Variants in HFM1 observed in about 807,000 individuals in gnomAD.
HFM1 encodes the protein helicase for meiosis 1.
HFM1 carries 169 observed loss-of-function variants against 192.1 expected under a neutral mutation model. The ratio of observed to expected loss-of-function variants is 0.88; its 90% CI spans 0.78 to 1.00. The LOEUF (loss-of-function observed/expected upper bound fraction) is 1.00, where lower values mean the gene tolerates loss of function less well. HFM1 is among the 50% of genes least tolerant of loss of function. HFM1 has a pLI of 0.00. For missense variants in HFM1, 1,661 were observed against 1,668.0 expected, an observed-to-expected ratio of 1.00 and a Z score of 0.07; for synonymous variants, 525 against 537.8, an observed-to-expected ratio of 0.98 and a Z score of 0.33.
intron 30 of HFM1, among the ~76,000 whole-genome samples, chr1:91,299,962 C>CA (rs1172394980): frequency 1.3e-5 from 2 of 151,948 alleles, no homozygotes; most frequent in Non-Finnish European, 2.9e-5. Context: ...AATAGAGACA[C>CA]AAAAAACCCT....
At chr1:91,304,097 T>C (rs1268403651) in intron 30 of HFM1, among the ~76,000 whole-genome samples, 1 of 152,044 alleles carries the variant, frequency 6.6e-6, no homozygotes, top group Non-Finnish European at 1.5e-5. Context: ...TCAAGTGATC[T>C]ACCCGCCTCG....
chr1:91,316,551 C>T, intron 25 of HFM1, 75 bp from the exon 26 acceptor site: 2 of 624,362 alleles, frequency 3.2e-6, no homozygotes, highest in Non-Finnish European at 2.5e-6. Flanking sequence ...TATTTAACAA[C>T]TAAATTAGTA....
At chr1:91,367,202 G>C (rs1659460215) in intron 13 of HFM1, among the ~76,000 whole-genome samples, 1 of 152,190 alleles carries the variant, frequency 6.6e-6, no homozygotes. Flanking sequence ...CCAAACAAAA[G>C]GCAGCAGAAA....
At chr1:91,268,520 C>T (rs900740074) in intron 34 of HFM1, among the ~76,000 whole-genome samples, 2 of 151,928 alleles carry the variant, frequency 1.3e-5, no homozygotes, top group African/African-American at 4.8e-5. Context: ...AACAACAGTA[C>T]CTACCTCAAA....
chr1:91,384,240 T>C (rs945176869), intron 6 of HFM1, among the ~76,000 whole-genome samples: 4 of 152,276 alleles, frequency 2.6e-5, no homozygotes, highest in Non-Finnish European at 2.9e-5. Context: ...TATTTGGAAA[T>C]AGGCAGGTAA....
intron 36 of HFM1, among the ~76,000 whole-genome samples, chr1:91,264,164 T>A (rs926926970): frequency 2.4e-4 from 37 of 152,130 alleles, no homozygotes; most frequent in Middle Eastern, 6.8e-3. Flanking sequence ...ACTGGAACTG[T>A]CTTGGTAGAG....
intron 1 of HFM1, among the ~76,000 whole-genome samples, chr1:91,403,459 T>C (rs1664517277): frequency 6.6e-6 from 1 of 152,146 alleles, no homozygotes. Context: ...GGCACTTTCA[T>C]TATGTAAATC....
At chr1:91,278,809 A>G (rs1167735725) in intron 30 of HFM1, among the ~76,000 whole-genome samples, 1 of 152,172 alleles carries the variant, frequency 6.6e-6, no homozygotes, top group Non-Finnish European at 1.5e-5. Flanking sequence ...TAACCACAGT[A>G]TTCCCAATTG....
At chr1:91,404,099 CAAAG>C (rs1166702338) in intron 1 of HFM1, among the ~76,000 whole-genome samples, 1 of 152,094 alleles carries the variant, frequency 6.6e-6, no homozygotes, top group Non-Finnish European at 1.5e-5. Context: ...GAGAATCTGA[CAAAG>C]AAGGAAAAAT....
At chr1:91,346,545 G>A (rs1165108106) in intron 19 of HFM1, among the ~76,000 whole-genome samples, 1 of 152,116 alleles carries the variant, frequency 6.6e-6, no homozygotes, top group Non-Finnish European at 1.5e-5. Flanking sequence ...TGCCACACAT[G>A]TATATCCAAG....
At chr1:91,353,335 C>A (rs768696837) in intron 13 of HFM1, 36 bp from the exon 14 acceptor site, 12 of 1,233,198 alleles carry the variant, frequency 9.7e-6, no homozygotes, top group South Asian at 1.3e-5. Flanking sequence ...TGAGTTACTC[C>A]CAGTAACATT....
At chr1:91,329,438 G>A in intron 20 of HFM1, 1 of 1,571,410 alleles carries the variant, frequency 6.4e-7, no homozygotes, top group Non-Finnish European at 8.7e-7. Flanking sequence ...CTTCAGCTAA[G>A]TGCAAGGAGC....
chr1:91,289,644 G>C (rs1431663067), intron 30 of HFM1, among the ~76,000 whole-genome samples: 1 of 152,146 alleles, frequency 6.6e-6, no homozygotes, highest in Admixed American at 6.5e-5. Context: ...CAGAACACTC[G>C]CAGTCAGGAG....
chr1:91,331,218 T>C (rs924184294), intron 20 of HFM1, among the ~76,000 whole-genome samples: 4 of 152,134 alleles, frequency 2.6e-5, no homozygotes, highest in African/African-American at 9.7e-5. Context: ...AATCTTATAT[T>C]TGGAAAAACA....
intron 13 of HFM1, among the ~76,000 whole-genome samples, chr1:91,365,219 TG>T (rs1045923244): frequency 1.3e-5 from 2 of 151,732 alleles, no homozygotes; most frequent in African/African-American, 4.8e-5. Flanking sequence ...GGGGAAGAAA[TG>T]GGGAGATGTA....
intron 20 of HFM1, among the ~76,000 whole-genome samples, chr1:91,337,234 C>T (rs902619475): frequency 2.0e-5 from 3 of 152,052 alleles, no homozygotes; most frequent in African/African-American, 4.8e-5. Context: ...ACAGTTGAAG[C>T]GGGAAAAAAT....
chr1:91,387,778 AG>A (rs1302970819), intron 4 of HFM1, among the ~76,000 whole-genome samples: 4 of 58,896 alleles, frequency 6.8e-5, no homozygotes, highest in Non-Finnish European at 1.3e-4. Flanking sequence ...GGGTCGGGGG[AG>A]GGGGGAGGGA....
At chr1:91,312,449 T>A (rs1348814539) in intron 30 of HFM1, among the ~76,000 whole-genome samples, 1 of 152,232 alleles carries the variant, frequency 6.6e-6, no homozygotes, top group Admixed American at 6.5e-5. Context: ...GAGATCATTT[T>A]GGAGCTTTAA....
At chr1:91,351,276 T>G (rs896311440) in intron 17 of HFM1, among the ~76,000 whole-genome samples, 2 of 151,876 alleles carry the variant, frequency 1.3e-5, no homozygotes, top group Non-Finnish European at 2.9e-5. Context: ...AATTATAACA[T>G]AATCATAATT....
Sources: gnomAD v4.1 joint callset for allele counts (sites outside exome capture counted in the v4.1 genomes callset) on GRCh38, gnomAD v4.1.1 for gene constraint, MANE v1.5 for transcripts, NCBI Gene and HGNC (gene_info 2026-07-23, HGNC 2026-07-21) for gene names.